The following BCAS1 variants were observed in gnomAD, a reference collection of about 807,000 sequenced individuals.
The protein encoded by BCAS1 is breast carcinoma-amplified sequence 1.
Under a neutral mutation model 65.4 loss-of-function variants are expected in BCAS1, and 46 were observed. The ratio of observed to expected loss-of-function variants is 0.70; its 90% CI spans 0.55 to 0.90. The LOEUF (loss-of-function observed/expected upper bound fraction) is 0.90. BCAS1 is among the 40% of genes least tolerant of loss of function. BCAS1 has a pLI of 0.00. For missense variants in BCAS1, 793 were observed against 771.2 expected (o/e 1.03, Z -0.33); for synonymous variants, 298 against 293.5 (o/e 1.02, Z -0.16).
At chr20:54,034,412 G>A (rs539237903) in intron 3 of BCAS1, among the ~76,000 whole-genome samples, 3 of 151,344 alleles carry the variant, frequency 2.0e-5, no homozygotes, top group Non-Finnish European at 3.0e-5. Flanking sequence ...AGCTTCTTAA[G>A]CTGATAAACA....
chr20:54,057,077 T>C (rs2092307200), intron 3 of BCAS1, among the ~76,000 whole-genome samples: 1 of 152,174 alleles, frequency 6.6e-6, no homozygotes, highest in Admixed American at 6.5e-5. Flanking sequence ...TTACATAATT[T>C]ATATGTATCC....
chr20:54,020,837 C>T (rs1454490697), intron 4 of BCAS1, among the ~76,000 whole-genome samples: 1 of 152,206 alleles, frequency 6.6e-6, no homozygotes, highest in Non-Finnish European at 1.5e-5. Flanking sequence ...TACAAAATCC[C>T]TGCAGGTGTT....
chr20:54,066,314 C>T (rs940210141), intron 1 of BCAS1, among the ~76,000 whole-genome samples: 7 of 151,772 alleles, frequency 4.6e-5, no homozygotes, highest in African/African-American at 9.7e-5. Flanking sequence ...CCTCGTGATC[C>T]GCCCGCCTTG....
At chr20:53,951,130 C>T (rs1040770986) in intron 12 of BCAS1, among the ~76,000 whole-genome samples, 2 of 152,136 alleles carry the variant, frequency 1.3e-5, no homozygotes, top group Non-Finnish European at 2.9e-5. Flanking sequence ...GTAAATCATT[C>T]CCTGGGTGGT....
intron 3 of BCAS1, among the ~76,000 whole-genome samples, chr20:54,032,424 C>T (rs531478876): frequency 1.2e-4 from 18 of 151,236 alleles, no homozygotes; most frequent in Non-Finnish European, 2.5e-4. Flanking sequence ...AACAAGTCTG[C>T]AAAATAACCA....
intron 3 of BCAS1, among the ~76,000 whole-genome samples, chr20:54,048,283 G>C (rs893229250): frequency 6.6e-6 from 1 of 152,142 alleles, no homozygotes; most frequent in Non-Finnish European, 1.5e-5. Flanking sequence ...TAATTCTTTG[G>C]AATCACCTCT....
chr20:54,035,131 G>A (rs960542227), intron 3 of BCAS1, among the ~76,000 whole-genome samples: 4 of 150,874 alleles, frequency 2.7e-5, no homozygotes, highest in East Asian at 1.9e-4. Context: ...TACAAAAATC[G>A]GCCGGGCTTG....
At chr20:53,956,545 A>G (rs2089705487) in intron 11 of BCAS1, among the ~76,000 whole-genome samples, 1 of 152,208 alleles carries the variant, frequency 6.6e-6, no homozygotes, top group African/African-American at 2.4e-5. Context: ...AGTGTTTTAC[A>G]TGTATTGATT....
Position 54,028,498 on chromosome 20 carries a change from T to C in BCAS1, c.617A>G (p.Lys206Arg), listed in dbSNP as rs143209009. The change falls in exon 4 of 13, where the codon AAG (lysine) becomes AGG (arginine). Residue 206 changes from lysine (K) to arginine (R), a missense_variant. Coordinates refer to ENST00000688948, the MANE Select transcript of BCAS1 (RefSeq NM_001366298.2). Reference sequence around the variant, plus strand: ...TTCCTGTTGGCTGTCACCTGGCACCTTTTCCTGTCCCTTGTCCAGCTTGAA... The same window carrying C: ...TTCCTGTTGGCTGTCACCTGGCACCCTTTCCTGTCCCTTGTCCAGCTTGAA... ...KFFKLDKGQE[K>R]VPGDSQQEAK... The C allele has an allele frequency of 5.6e-6, 9 of 1,614,058 alleles. No individual in the cohort carries two copies. The highest frequency in any genetic ancestry group is 7.6e-6 in the Non-Finnish European group (9 of 1,180,036).
chr20:53,976,209 C>T (rs1395241970), intron 8 of BCAS1, among the ~76,000 whole-genome samples: 1 of 152,158 alleles, frequency 6.6e-6, no homozygotes, highest in Non-Finnish European at 1.5e-5. Flanking sequence ...ATTTTTGCAT[C>T]TTTCTTTTGG....
At chr20:54,002,556 T>C (rs2145897034) in intron 4 of BCAS1, among the ~76,000 whole-genome samples, 1 of 152,302 alleles carries the variant, frequency 6.6e-6, no homozygotes, top group Non-Finnish European at 1.5e-5. Flanking sequence ...CATTATCATG[T>C]GAACAGCAAT....
At chr20:54,036,873 T>C (rs1411108685) in intron 3 of BCAS1, among the ~76,000 whole-genome samples, 2 of 151,376 alleles carry the variant, frequency 1.3e-5, no homozygotes, top group Admixed American at 6.6e-5. Flanking sequence ...TAAATCAATT[T>C]ATCTTAAGAA....
chr20:54,039,277 A>G (rs1172979668), intron 3 of BCAS1, among the ~76,000 whole-genome samples: 1 of 151,576 alleles, frequency 6.6e-6, no homozygotes, highest in Non-Finnish European at 1.5e-5. Context: ...CATGCTTTTC[A>G]TCTGTACATT....
At position 53,966,576 on chromosome 20, in the gene BCAS1, A is replaced by G. The variant is rs975228967; in HGVS notation, c.1485+330T>C. ...GCACTAAAGTCTCAGAAATCACACT[A>G]AAGAACTAATCCATGTAATCTCAAA... On this transcript the variant is annotated intron_variant, in intron 10 of 12. Transcript: ENST00000688948. 2.6e-5 allele frequency among the ~76,000 whole-genome samples: 4 copies of G among 152,310 alleles called. No homozygotes were observed. The East Asian group carries it at 5.8e-4, about 22-fold the overall frequency.
At chr20:54,042,408 AAAT>A (rs1317384308) in intron 3 of BCAS1, among the ~76,000 whole-genome samples, 1 of 152,230 alleles carries the variant, frequency 6.6e-6, no homozygotes, top group African/African-American at 2.4e-5. Context: ...TTAAAAAAAT[AAAT>A]AATCATATGT....
Position 54,015,736 on chromosome 20 carries a change from G to A in BCAS1, c.723+12656C>T, listed in dbSNP as rs148536549. On this transcript the variant is annotated intron_variant, in intron 4 of 12. Transcript: ENST00000688948. ...GCATAGTTTGGAAATTATTGTTAGAGGAAAATAACCTCTTGTTGAACTGTT... is the reference window on the plus strand; with the variant it reads ...GCATAGTTTGGAAATTATTGTTAGAAGAAAATAACCTCTTGTTGAACTGTT... Among the ~76,000 whole-genome samples the A allele has an allele frequency of 1.0e-3, 152 of 152,240 alleles. 1 individual carries two copies. Among genetic ancestry groups the A allele is most frequent in the African/African-American group, 3.0e-3 (123 of 41,530 alleles).
rs929012785 is a variant in BCAS1 at position 54,028,866 on chromosome 20, C to G, written c.249G>C (p.Glu83Asp). The G allele has an allele frequency of 6.2e-7, 1 of 1,614,004 alleles. No individual in the cohort carries two copies. The highest frequency in any genetic ancestry group is 1.7e-5 in the Admixed American group (1 of 60,004). Residue 83 changes from glutamate to aspartate, a missense_variant, in exon 4 of 13, where the codon GAG (glutamate) becomes GAC (aspartate). Transcript: ENST00000688948. ...TAGCAGCTGGTGCCTCGGGTTTGGCCTCTTTCCCAAGATTCTTTCCGTTGG... is the reference window on the plus strand; with the variant it reads ...TAGCAGCTGGTGCCTCGGGTTTGGCGTCTTTCCCAAGATTCTTTCCGTTGG... ...ADANGKNLGK[E>D]AKPEAPAAKS...
chr20:54,009,446 G>C lies in BCAS1; in HGVS notation c.724-13396C>G, dbSNP rs182341647. Among the ~76,000 whole-genome samples the C allele has an allele frequency of 1.4e-4, 22 of 152,196 alleles. 1 individual carries two copies. The highest frequency in any genetic ancestry group is 1.8e-4 in the Non-Finnish European group (12 of 68,010). On this transcript the variant is annotated intron_variant, in intron 4 of 12. Coordinates refer to ENST00000688948, the MANE Select transcript of BCAS1 (RefSeq NM_001366298.2). ...TGGATAGGAGAATGCCATAACCAAT[G>C]CTACCTACATAAATTTGATAACGGG...
At chr20:53,981,715 A>G (rs1395980138) in intron 8 of BCAS1, among the ~76,000 whole-genome samples, 1 of 152,042 alleles carries the variant, frequency 6.6e-6, no homozygotes, top group East Asian at 1.9e-4. Flanking sequence ...CAGAGTGCAC[A>G]TTATTTTCCC....
Sources: gnomAD v4.1 joint callset for allele counts (sites outside exome capture counted in the v4.1 genomes callset) on GRCh38, gnomAD v4.1.1 for gene constraint, MANE v1.5 for transcripts, NCBI Gene and HGNC (gene_info 2026-07-23, HGNC 2026-07-21) for gene names.